Variants in PCM1 observed in about 807,000 individuals in gnomAD.
The protein encoded by PCM1 is pericentriolar material 1 protein.
PCM1 carries 157 observed loss-of-function variants against 241.9 expected under a neutral mutation model. The observed-to-expected ratio is 0.65, with a 90% CI of 0.57 to 0.74. The LOEUF (loss-of-function observed/expected upper bound fraction) is 0.74, where lower values mean the gene tolerates loss of function less well. PCM1 is among the 30% of genes least tolerant of loss of function. The pLI is 0.00. For synonymous variants in PCM1, 1,085 were observed against 784.9 expected (o/e 1.38, Z -6.39); for missense variants, 3,478 against 2,360.1 (o/e 1.47, Z -9.81).
At position 18,015,665 on chromosome 8, in the gene PCM1, T is replaced by G. The variant is rs1474049961; in HGVS notation, c.5841+825T>G. The G allele has an allele frequency of 1.3e-5, 2 of 152,178 alleles. 1 individual carries two copies. The highest frequency in any genetic ancestry group is 4.1e-4 in the South Asian group (2 of 4,830). 9.4% of individuals were successfully genotyped at this position (152,178 alleles called of 1,614,324 possible). A position where few individuals can be genotyped will look rare whatever the true frequency, so the allele number is the denominator to read the frequency against. On this transcript the variant is annotated intron_variant, in intron 36 of 38. Coordinates refer to ENST00000325083, the MANE Select transcript of PCM1 (RefSeq NM_006197.4). ...TGTTCCCACTTCCTGAATTGCTTCTTACTCAAATAAACTGTAAAATTTTAT... is the reference window on the plus strand; with the variant it reads ...TGTTCCCACTTCCTGAATTGCTTCTGACTCAAATAAACTGTAAAATTTTAT...
At chr8:17,965,726 C>T (rs539753890) in intron 18 of PCM1, among the ~76,000 whole-genome samples, 2 of 152,278 alleles carry the variant, frequency 1.3e-5, no homozygotes, top group Admixed American at 6.5e-5. Flanking sequence ...CTACTTGTGA[C>T]ATAATAAATA....
intron 26 of PCM1, among the ~76,000 whole-genome samples, chr8:17,988,290 T>C (rs1420587911): frequency 1.3e-5 from 2 of 151,826 alleles, no homozygotes; most frequent in Non-Finnish European, 3.0e-5. Flanking sequence ...GATTTCATAA[T>C]TGAAGATAGG....
At chr8:17,970,571 C>T (rs1375504609) in intron 22 of PCM1, among the ~76,000 whole-genome samples, 1 of 151,870 alleles carries the variant, frequency 6.6e-6, no homozygotes, top group Non-Finnish European at 1.5e-5. Flanking sequence ...TGTTAAATCT[C>T]ATGTTGCTCT....
intron 13 of PCM1, among the ~76,000 whole-genome samples, chr8:17,959,443 C>G (rs1187954617): frequency 6.6e-6 from 1 of 151,984 alleles, no homozygotes; most frequent in African/African-American, 2.4e-5. Flanking sequence ...CAATCTTTCG[C>G]TATTTAGAAA....
intron 36 of PCM1, among the ~76,000 whole-genome samples, chr8:18,019,095 T>C (rs2129487503): frequency 6.6e-6 from 1 of 152,088 alleles, no homozygotes; most frequent in Admixed American, 6.5e-5. Context: ...AGTATTCCAG[T>C]AAGCCAGTAG....
chr8:17,941,578 A>G (rs2062072367), intron 6 of PCM1, among the ~76,000 whole-genome samples: 1 of 150,984 alleles, frequency 6.6e-6, no homozygotes, highest in African/African-American at 2.4e-5. Context: ...AAATTGTTTT[A>G]CAAGGCTGGC....
chr8:18,014,963 A>AT, intron 36 of PCM1, 123 bp downstream of exon 36: 1 of 816,592 alleles, frequency 1.2e-6, no homozygotes, highest in Non-Finnish European at 1.8e-6. Context: ...ATGTTGGAAC[A>AT]TTTTTCTAAT....
chr8:17,966,424 T>G lies in PCM1; in HGVS notation c.3172T>G (p.Leu1058Val), dbSNP rs1246231353. ...SPQVHFIMHQ[L>V]NQCYTQLTWQ... ...TCAAGTACACTTCATAATGCACCAG[T>G]TGAACCAGTGCTATACTCAGCTAAC... The change falls in exon 20 of 39, where the codon TTG (leucine) becomes GTG (valine). Residue 1058 changes from leucine (L) to valine (V), a missense_variant. Coordinates refer to ENST00000325083, the MANE Select transcript of PCM1 (RefSeq NM_006197.4). The G allele has an allele frequency of 1.2e-6, 2 of 1,613,682 alleles. No homozygotes were observed. Among genetic ancestry groups the G allele is most frequent in the African/African-American group, 1.3e-5 (1 of 74,932 alleles).
intron 13 of PCM1, among the ~76,000 whole-genome samples, chr8:17,958,273 A>G (rs544594694): frequency 6.6e-6 from 1 of 152,290 alleles, no homozygotes; most frequent in Admixed American, 6.5e-5. Flanking sequence ...AGACTTCCTG[A>G]TACCAGAGCC....
chr8:18,025,607 G>A lies in PCM1; in HGVS notation c.5998G>A (p.Glu2000Lys). Residue 2000 changes from glutamate to lysine, a missense_variant, in exon 38 of 39, where the codon GAA (glutamate) becomes AAA (lysine). Physicochemically the swap from Glu to Lys is moderately conservative, Grantham distance 56 (BLOSUM62 1). Transcript: ENST00000325083. ...AAACCATTTATCTGGTGAAATATGT[G>A]AAATGCAGACCGAAGAATTAGCTGG... ...QKNHLSGEICEMQTEELAGNS... is the reference protein window; with the variant it reads ...QKNHLSGEICKMQTEELAGNS... The A allele has an allele frequency of 6.3e-7, 1 of 1,582,750 alleles. No individual in the cohort carries two copies.
Position 17,963,049 on chromosome 8 carries a change from G to A in PCM1, c.2464-52G>A, listed in dbSNP as rs184384968. On this transcript the variant is annotated intron_variant, in intron 16 of 38. Transcript: ENST00000325083. Reference sequence around the variant, plus strand: ...ATACTAGTAGTCTTTTACTCTTTTAGGCTACAGCAAATCCAAATATTTATT... The same window carrying A: ...ATACTAGTAGTCTTTTACTCTTTTAAGCTACAGCAAATCCAAATATTTATT... 7,573 of 1,382,732 alleles carry A rather than the reference G, an allele frequency of 5.5e-3. 26 individuals are homozygous for A. The highest frequency in any genetic ancestry group is 6.5e-3 in the Non-Finnish European group (6,439 of 997,420). 85.7% of individuals were successfully genotyped at this position (1,382,732 alleles called of 1,614,324 possible).
chr8:17,976,897 TTAA>T (rs1467628988), intron 23 of PCM1, among the ~76,000 whole-genome samples: 1 of 152,136 alleles, frequency 6.6e-6, no homozygotes, highest in Non-Finnish European at 1.5e-5. Flanking sequence ...TCGTAGCATC[TTAA>T]TAATTATAGC....
intron 8 of PCM1, among the ~76,000 whole-genome samples, chr8:17,952,224 A>AAAATAAATAAATAAAT (rs148620624): frequency 0.011 from 1,628 of 147,076 alleles, 13 homozygotes; most frequent in Non-Finnish European, 0.013. Context: ...CTTTGTCTCA[A>AAAATAAATAAATAAAT]AAATAAATAA....
At chr8:17,962,483 A>G (rs1036481107) in intron 16 of PCM1, among the ~76,000 whole-genome samples, 1 of 152,170 alleles carries the variant, frequency 6.6e-6, no homozygotes, top group Non-Finnish European at 1.5e-5. Context: ...ATAGGGGGGT[A>G]GTTGCAGCAA....
chr8:17,935,526 A>T lies in PCM1; in HGVS notation c.-22-63A>T, dbSNP rs960240231. 3.4e-5 allele frequency: 22 copies of T among 641,984 alleles called. No homozygotes were observed. The African/African-American group carries it at 3.4e-4, about 10-fold the overall frequency. 39.8% of individuals were successfully genotyped at this position (641,984 alleles called of 1,614,324 possible). ...AGATTGTATTGCTAAACTTCATGGA[A>T]TGATTTGAAAATTGAATTTGTTTTT... On this transcript the variant is annotated intron_variant, in intron 2 of 38. Transcript: ENST00000325083.
In PCM1 at chr8:17,992,935, GT is replaced by G. The variant is rs3039044; in HGVS notation, c.4691-530del. ...CTTGGCCTTAGCCCACTTTTTGATG[GT>G]TTTTTTTTTTTTTTTTTCCTGATTT... On this transcript the variant is annotated intron_variant, in intron 28 of 38. Transcript: ENST00000325083. Among the ~76,000 whole-genome samples, 343 of 123,922 alleles carry G rather than the reference GT, an allele frequency of 2.8e-3. 2 individuals are homozygous for G. Among genetic ancestry groups the G allele is most frequent in the African/African-American group, 6.4e-3 (209 of 32,520 alleles). 81.3% of individuals were successfully genotyped at this position (123,922 alleles called of 152,430 possible). A position where few individuals can be genotyped will look rare whatever the true frequency, so the allele number is the denominator to read the frequency against.
chr8:18,020,562 C>G (rs1470968757), intron 36 of PCM1, among the ~76,000 whole-genome samples: 2 of 152,122 alleles, frequency 1.3e-5, no homozygotes, highest in Non-Finnish European at 2.9e-5. Context: ...ACTATTGACT[C>G]CTCACATTGA....
intron 29 of PCM1, among the ~76,000 whole-genome samples, chr8:18,001,560 C>T (rs2129483191): frequency 6.6e-6 from 1 of 152,298 alleles, no homozygotes; most frequent in South Asian, 2.1e-4. Context: ...GACAGGACTT[C>T]TTTCTGAGAT....
At chr8:17,937,937 T>C (rs1475415335) in intron 4 of PCM1, among the ~76,000 whole-genome samples, 1 of 152,208 alleles carries the variant, frequency 6.6e-6, no homozygotes, top group Non-Finnish European at 1.5e-5. Flanking sequence ...GTAATGATCA[T>C]GTATCATTTA....
Sources: gnomAD v4.1 joint callset for allele counts (sites outside exome capture counted in the v4.1 genomes callset) on GRCh38, gnomAD v4.1.1 for gene constraint, MANE v1.5 for transcripts, NCBI Gene and HGNC (gene_info 2026-07-23, HGNC 2026-07-21) for gene names.